Variants in RIC1 observed in about 807,000 individuals in gnomAD.
RIC1 encodes the protein RIC1 partner of RAB6A GEF complex, also known as guanine nucleotide exchange factor subunit RIC1.
In RIC1, 88 loss-of-function variants were observed where a neutral mutation model predicts 169.0. That is an observed-to-expected ratio of 0.52 (90% confidence interval 0.44 to 0.62). The LOEUF is 0.62. RIC1 is among the 20% of genes least tolerant of loss of function. The pLI, the probability that RIC1 is intolerant of heterozygous loss-of-function variation, is 0.00. For synonymous variants in RIC1, 790 were observed against 601.5 expected, an observed-to-expected ratio of 1.31 and a Z score of -4.59; for missense variants, 1,877 against 1,725.5, an observed-to-expected ratio of 1.09 and a Z score of -1.56.
Position 5,769,034 on chromosome 9 carries a change from C to T in RIC1, c.3202C>T (p.Arg1068Trp), listed in dbSNP as rs61744825. Residue 1068 changes from arginine to tryptophan, a missense_variant, in exon 22 of 26, where the codon CGG (arginine) becomes TGG (tryptophan). Transcript: ENST00000414202. ...YIDMMLWRHA[R>W]RLLEDVRLKD... ...TGACATGATGCTCTGGAGACATGCT[C>T]GGCGCCTCTTAGAAGATGTGAGGTT... 9.6e-5 allele frequency: 155 copies of T among 1,613,998 alleles called. 1 individual carries two copies. The Middle Eastern group carries it at 2.0e-3, about 21-fold the overall frequency.
intron 21 of RIC1, among the ~76,000 whole-genome samples, chr9:5,768,506 T>C (rs576624884): frequency 2.6e-5 from 4 of 152,242 alleles, no homozygotes; most frequent in African/African-American, 9.6e-5. Context: ...CCAGACTGGG[T>C]GACATTGTGA....
intron 21 of RIC1, 126 bp downstream of exon 21, chr9:5,765,924 C>A (rs780199729): frequency 6.6e-6 from 8 of 1,214,366 alleles, no homozygotes; most frequent in Admixed American, 2.5e-5. Flanking sequence ...TTTTCCATTC[C>A]CAAAAAGCAG....
chr9:5,645,974 G>A (rs963543341), intron 1 of RIC1, among the ~76,000 whole-genome samples: 2 of 136,140 alleles, frequency 1.5e-5, no homozygotes, highest in African/African-American at 5.5e-5. Context: ...GAGAAATTTT[G>A]CTTTTTTTTT....
At chr9:5,769,689 A>ATTT in intron 22 of RIC1, 1 of 255,394 alleles carries the variant, frequency 3.9e-6, no homozygotes, top group Non-Finnish European at 7.4e-6. Flanking sequence ...TGAAATAAAA[A>ATTT]TTTAAAGTTT....
In RIC1 at chr9:5,730,664, G is replaced by C. The variant is rs1824317316; in HGVS notation, c.721-1724G>C. ...GAAGGGCACTATTGGGAGACTTTTG[G>C]GTACTCATGATTCTTGGCCTGAGTA... On this transcript the variant is annotated intron_variant, in intron 6 of 25. Transcript: ENST00000414202. Among the ~76,000 whole-genome samples, 3 of 151,962 alleles carry C rather than the reference G, an allele frequency of 2.0e-5. No homozygotes were observed. The South Asian group carries it at 6.2e-4, about 31-fold the overall frequency.
rs1443841052 is a variant in RIC1, at chr9:5,720,613, G to C, written c.584-1G>C. ...TTTCATGTGCTTATTTTTTTCATCA[G>C]TAGGTTCATTCCTGGGCTTCACAGA... On this transcript the variant is annotated splice_acceptor_variant, in intron 5 of 25. Coordinates refer to ENST00000414202, the MANE Select transcript of RIC1 (RefSeq NM_020829.4). LOFTEE classifies it high-confidence loss of function. 1 of 1,582,616 alleles carries C rather than the reference G, an allele frequency of 6.3e-7. No homozygotes were observed. The highest frequency in any genetic ancestry group is 2.3e-5 in the East Asian group (1 of 44,282).
intron 3 of RIC1, among the ~76,000 whole-genome samples, chr9:5,710,054 C>T (rs1009873223): frequency 6.6e-6 from 1 of 152,052 alleles, no homozygotes; most frequent in African/African-American, 2.4e-5. Flanking sequence ...GAGGTATCTC[C>T]AACCCTTGAG....
At chr9:5,708,252 T>C (rs190990999) in intron 3 of RIC1, among the ~76,000 whole-genome samples, 1 of 152,256 alleles carries the variant, frequency 6.6e-6, no homozygotes, top group East Asian at 1.9e-4. Context: ...ACTGTTAACA[T>C]AGATATATAA....
rs780433663 is a variant in RIC1, at chr9:5,773,050, A to G, written c.3953A>G (p.His1318Arg). 3.1e-6 allele frequency: 5 copies of G among 1,613,140 alleles called. No individual in the cohort carries two copies. The highest frequency in any genetic ancestry group is 1.7e-6 in the Non-Finnish European group (2 of 1,179,534). ...EMLQNIKTGLHAVDRWASTDC... is the reference protein window; with the variant it reads ...EMLQNIKTGLRAVDRWASTDC... The stretch of plus-strand genomic sequence containing the variant: ...TTACAGAACATAAAGACAGGGCTCC[A>G]TGCAGTGGACCGATGGGCCTCTACA... The change falls in exon 25 of 26, where the codon CAT (histidine) becomes CGT (arginine). Residue 1318 changes from histidine (H) to arginine (R), a missense_variant. Coordinates refer to ENST00000414202, the MANE Select transcript of RIC1 (RefSeq NM_020829.4).
chr9:5,700,561 C>T (rs539797534), intron 3 of RIC1, among the ~76,000 whole-genome samples: 14 of 151,528 alleles, frequency 9.2e-5, no homozygotes, highest in Admixed American at 2.6e-4. Context: ...AATTCTCTTA[C>T]GTATATTAAT....
At position 5,748,492 on chromosome 9, in the gene RIC1, C is replaced by T. The variant is rs1430039650; in HGVS notation, c.1452+987C>T. 4 of 152,734 alleles carry T rather than the reference C, an allele frequency of 2.6e-5. No individual in the cohort carries two copies. In the East Asian group the frequency reaches 5.8e-4, roughly 22 times the overall value. The allele number at this position is 152,734 out of a possible 1,614,324, so 9.5% of individuals were successfully genotyped here. On this transcript the variant is annotated intron_variant, in intron 12 of 25. Coordinates refer to ENST00000414202, the MANE Select transcript of RIC1 (RefSeq NM_020829.4). Reference sequence around the variant, plus strand: ...TAAATTCATAGAATCAAACAATGTACATACCATTTTATAATTAGTAACAAT... The same window carrying T: ...TAAATTCATAGAATCAAACAATGTATATACCATTTTATAATTAGTAACAAT...
intron 9 of RIC1, among the ~76,000 whole-genome samples, 165 bp downstream of exon 9, chr9:5,743,178 A>G (rs934082851): frequency 6.6e-6 from 1 of 152,174 alleles, no homozygotes; most frequent in Non-Finnish European, 1.5e-5. Flanking sequence ...CTGAACATTC[A>G]TTTTTTAAAA....
intron 1 of RIC1, among the ~76,000 whole-genome samples, chr9:5,641,616 C>A (rs1179901867): frequency 6.6e-6 from 1 of 150,694 alleles, no homozygotes; most frequent in Non-Finnish European, 1.5e-5. Context: ...ATTCTTTTTT[C>A]TTTTGTGGTC....
At chr9:5,629,536 T>TAG in intron 1 of RIC1, 83 bp downstream of exon 1, 1 of 1,405,626 alleles carries the variant, frequency 7.1e-7, no homozygotes, top group South Asian at 1.4e-5. Flanking sequence ...ACCCAGAGCC[T>TAG]AGGACTCCTG....
In RIC1 at chr9:5,753,614, A is replaced by G. The variant is rs1360302653; in HGVS notation, c.1570A>G (p.Lys524Glu). ...TTTTGCACATTACTCTTTACTCACC[A>G]AAAAATGGAAACTTTTTGGAAACAT... is the stretch of plus-strand genomic sequence containing the variant. ...FGFAHYSLLT[K>E]KWKLFGNITQ... is the part of the protein sequence containing the mutation. The change falls in exon 14 of 26, where the codon AAA becomes GAA. Residue 524 changes from lysine (K) to glutamate (E), a missense_variant. Physicochemically the swap from Lys to Glu is moderately conservative, Grantham distance 56. Transcript: ENST00000414202. 6.2e-7 allele frequency: 1 copy of G among 1,605,854 alleles called. No individual in the cohort carries two copies.
At chr9:5,665,937 A>C (rs1389193929) in intron 2 of RIC1, among the ~76,000 whole-genome samples, 1 of 152,180 alleles carries the variant, frequency 6.6e-6, no homozygotes, top group African/African-American at 2.4e-5. Context: ...CCACTTAAAG[A>C]AGCAGTCTGG....
intron 9 of RIC1, 95 bp downstream of exon 9, chr9:5,743,108 C>T: frequency 8.6e-7 from 1 of 1,156,412 alleles, no homozygotes; most frequent in Non-Finnish European, 1.2e-6. Context: ...CCCTTTTTGC[C>T]TTGACTCTTA....
chr9:5,732,611 T>C (rs1278480361), intron 7 of RIC1, 132 bp downstream of exon 7: 3 of 510,632 alleles, frequency 5.9e-6, no homozygotes, highest in Admixed American at 3.7e-5. Context: ...CAGTCAACCT[T>C]AATATGAAAT....
intron 2 of RIC1, among the ~76,000 whole-genome samples, chr9:5,683,413 C>G (rs1170152403): frequency 1.3e-5 from 2 of 152,176 alleles, no homozygotes; most frequent in African/African-American, 4.8e-5. Context: ...GAGGTCCACT[C>G]CAGACGCTGT....
Sources: allele counts gnomAD v4.1 joint callset (sites outside exome capture counted in the v4.1 genomes callset), GRCh38; gene constraint gnomAD v4.1.1; transcripts MANE v1.5; gene names NCBI Gene and HGNC (gene_info 2026-07-23, HGNC 2026-07-21).